Variants in INVS observed in about 807,000 individuals in gnomAD.
INVS encodes inversion of embryo turning homolog.
A neutral mutation model predicts 108.8 loss-of-function variants in INVS; 86 were observed. The ratio of observed to expected loss-of-function variants is 0.79; its 90% confidence interval spans 0.66 to 0.95. The LOEUF (loss-of-function observed/expected upper bound fraction) is 0.95, where lower values mean the gene tolerates loss of function less well. INVS is among the 40% of genes least tolerant of loss of function. The pLI, the probability that INVS is intolerant of heterozygous loss-of-function variation, is 0.00. For synonymous variants in INVS, 455 were observed against 473.5 expected (o/e 0.96, Z 0.51); for missense variants, 1,169 against 1,297.4 (o/e 0.90, Z 1.52).
intron 3 of INVS, chr9:100,129,668 G>C: frequency 1.4e-6 from 1 of 709,576 alleles, no homozygotes; most frequent in Non-Finnish European, 2.6e-6. Context: ...TATATACATT[G>C]TTTGAAGGCA....
At chr9:100,114,557 A>G (rs1259209588) in intron 2 of INVS, among the ~76,000 whole-genome samples, 1 of 151,938 alleles carries the variant, frequency 6.6e-6, no homozygotes, top group Non-Finnish European at 1.5e-5. Flanking sequence ...ATGTTCCACC[A>G]TGCCCAGCTA....
At chr9:100,241,187 G>T (rs192879408) in intron 6 of INVS, among the ~76,000 whole-genome samples, 10 of 151,476 alleles carry the variant, frequency 6.6e-5, no homozygotes, top group African/African-American at 2.2e-4. Flanking sequence ...CACTTTTATC[G>T]CCAGATTTAG....
intron 12 of INVS, 33 bp downstream of exon 12, chr9:100,273,109 C>T: frequency 1.9e-6 from 3 of 1,562,508 alleles, no homozygotes; most frequent in Non-Finnish European, 2.6e-6. Context: ...GCGTTTTCGC[C>T]ACCCAGAATC....
rs563682719 is a variant in INVS at position 100,157,987 on chromosome 9, A to G, written c.273+31438A>G. On this transcript the variant is annotated intron_variant, in intron 3 of 16. Transcript: ENST00000262457. ...ACCCATTTGTTAAATTTATTTTCATATCTCTTAGTATTTCTTAATGTGGTG... is the reference window on the plus strand; with the variant it reads ...ACCCATTTGTTAAATTTATTTTCATGTCTCTTAGTATTTCTTAATGTGGTG... Among the ~76,000 whole-genome samples the G allele has an allele frequency of 2.0e-4, 30 of 152,302 alleles. No homozygotes were observed. The East Asian group carries it at 4.2e-3, about 22-fold the overall frequency.
chr9:100,184,693 A>G (rs1564149026), intron 3 of INVS, among the ~76,000 whole-genome samples: 1 of 152,142 alleles, frequency 6.6e-6, no homozygotes. Context: ...CTTCGTATAT[A>G]GGCTACATGG....
intron 3 of INVS, among the ~76,000 whole-genome samples, chr9:100,206,777 T>C (rs1830688707): frequency 6.6e-6 from 1 of 152,138 alleles, no homozygotes; most frequent in Non-Finnish European, 1.5e-5. Flanking sequence ...CATTCAATCA[T>C]TTATGTCTTT....
chr9:100,132,655 C>A (rs1259801850), intron 3 of INVS, among the ~76,000 whole-genome samples: 3 of 152,216 alleles, frequency 2.0e-5, no homozygotes, highest in Non-Finnish European at 4.4e-5. Flanking sequence ...GATAGAAAGG[C>A]TCTTTGGGAT....
rs539998360 is a variant in INVS, at chr9:100,209,638, T to C, written c.274-16424T>C. Among the ~76,000 whole-genome samples, 12 of 151,796 alleles carry C rather than the reference T, an allele frequency of 7.9e-5. No homozygotes were observed. In the East Asian group the frequency reaches 2.3e-3, roughly 29 times the overall value. On this transcript the variant is annotated intron_variant, in intron 3 of 16. Coordinates refer to ENST00000262457, the MANE Select transcript of INVS (RefSeq NM_014425.5). ...ACAAAAAATTAGCCGGGCGTGGTGG[T>C]GGGCGCCTGTAGTCCCAGCTACTCA...
At chr9:100,222,390 G>C (rs1485506273) in intron 3 of INVS, among the ~76,000 whole-genome samples, 3 of 152,124 alleles carry the variant, frequency 2.0e-5, no homozygotes, top group Non-Finnish European at 4.4e-5. Context: ...GAAAATGTTT[G>C]ATGATACTTC....
chr9:100,220,642 A>G (rs960312776), intron 3 of INVS, among the ~76,000 whole-genome samples: 4 of 152,170 alleles, frequency 2.6e-5, no homozygotes, highest in South Asian at 2.1e-4. Flanking sequence ...AGCAGACCCT[A>G]AAACAAACCG....
At chr9:100,242,773 C>G (rs1367155831) in intron 7 of INVS, 94 bp downstream of exon 7, 1 of 775,932 alleles carries the variant, frequency 1.3e-6, no homozygotes, top group Non-Finnish European at 2.3e-6. Flanking sequence ...AATAATACAA[C>G]AAGATTGCAT....
chr9:100,112,028 C>T (rs544115121), intron 2 of INVS, among the ~76,000 whole-genome samples: 64 of 152,232 alleles, frequency 4.2e-4, no homozygotes, highest in African/African-American at 1.4e-3. Context: ...CACTCTGTCA[C>T]CCAGGCTGGA....
chr9:100,157,827 G>A (rs574883687), intron 3 of INVS, among the ~76,000 whole-genome samples: 1 of 152,216 alleles, frequency 6.6e-6, no homozygotes, highest in Admixed American at 6.5e-5. Context: ...CTTCAAAGAG[G>A]AGACTAAATC....
At position 100,276,426 on chromosome 9, in the gene INVS, G is replaced by A. The variant is rs553416578; in HGVS notation, c.1784+3350G>A. On this transcript the variant is annotated intron_variant, in intron 12 of 16. Transcript: ENST00000262457. ...TTCTGGCCTTTTTATGTGCTTGCTA[G>A]TGCTGCTACCATTGATTGTATGCAT... Among the ~76,000 whole-genome samples, 26 of 152,304 alleles carry A rather than the reference G, an allele frequency of 1.7e-4. No homozygotes were observed. In the South Asian group the frequency reaches 5.4e-3, roughly 32 times the overall value.
In INVS at chr9:100,298,020, C is replaced by A; in HGVS notation, c.3091+10C>A. The A allele has an allele frequency of 1.9e-6, 3 of 1,614,066 alleles. No individual in the cohort carries two copies. Among genetic ancestry groups the A allele is most frequent in the Non-Finnish European group, 2.5e-6 (3 of 1,179,930 alleles). ...CTGCGTCTCAACTCAGGTAAGGCAG[C>A]CACTGCAAAGCAGATGGTGGGGAAG... On this transcript the variant is annotated intron_variant, in intron 16 of 16. Coordinates refer to ENST00000262457, the MANE Select transcript of INVS (RefSeq NM_014425.5).
At chr9:100,159,106 C>T (rs1239427532) in intron 3 of INVS, among the ~76,000 whole-genome samples, 4 of 152,148 alleles carry the variant, frequency 2.6e-5, no homozygotes, top group African/African-American at 9.7e-5. Flanking sequence ...AAATAAATTG[C>T]CCAGCCTCCG....
rs190972796 is a variant in INVS, at chr9:100,295,268, T to C, written c.2787-1649T>C. Among the ~76,000 whole-genome samples, 4 of 152,198 alleles carry C rather than the reference T, an allele frequency of 2.6e-5. No homozygotes were observed. In the East Asian group the frequency reaches 7.7e-4, roughly 29 times the overall value. ...AGAGTAGCAAATGAGCCTTCAGTCA[T>C]TCCCCCAAGAACAGTGGGCTTATGG... On this transcript the variant is annotated intron_variant, in intron 14 of 16. Coordinates refer to ENST00000262457, the MANE Select transcript of INVS (RefSeq NM_014425.5).
At chr9:100,263,009 G>A (rs752264467) in intron 10 of INVS, among the ~76,000 whole-genome samples, 1 of 152,046 alleles carries the variant, frequency 6.6e-6, no homozygotes, top group Non-Finnish European at 1.5e-5. Context: ...CTCAGCCTAC[G>A]AAAGTGCTAG....
At chr9:100,128,570 G>A (rs779752521) in intron 3 of INVS, among the ~76,000 whole-genome samples, 14 of 152,190 alleles carry the variant, frequency 9.2e-5, no homozygotes, top group Non-Finnish European at 2.1e-4. Flanking sequence ...GAATAAGATA[G>A]TAAATGATCT....
Sources: gnomAD v4.1 joint callset for allele counts (sites outside exome capture counted in the v4.1 genomes callset) on GRCh38, gnomAD v4.1.1 for gene constraint, MANE v1.5 for transcripts, NCBI Gene and HGNC (gene_info 2026-07-23, HGNC 2026-07-21) for gene names.